Variants in RBFOX1 observed in about 807,000 individuals in gnomAD.
RBFOX1 encodes RNA binding protein fox-1 homolog 1.
Under a neutral mutation model 57.7 loss-of-function variants are expected in RBFOX1, and 8 were observed. That is an observed-to-expected ratio of 0.14 (90% CI 0.08 to 0.25). RBFOX1 has a LOEUF of 0.25. Ranked by LOEUF, RBFOX1 falls within the 10% of genes least tolerant of loss-of-function variation. The pLI is 1.00. For missense variants in RBFOX1, 611 were observed against 548.5 expected (o/e 1.11, Z -1.14); for synonymous variants, 326 against 222.4 (o/e 1.47, Z -4.15).
intron 2 of RBFOX1, among the ~76,000 whole-genome samples, chr16:6,412,024 CA>C (rs1401160759): frequency 2.0e-5 from 3 of 151,702 alleles, no homozygotes; most frequent in Non-Finnish European, 4.4e-5. Context: ...CCCAGCCACT[CA>C]GGAGGCTGAG....
chr16:7,263,525 C>G (rs2095005597), intron 4 of RBFOX1, among the ~76,000 whole-genome samples: 1 of 152,078 alleles, frequency 6.6e-6, no homozygotes, highest in African/African-American at 2.4e-5. Context: ...ATTGTAGTTC[C>G]TTAGGTGCTT....
intron 2 of RBFOX1, among the ~76,000 whole-genome samples, chr16:6,420,880 T>C (rs960645133): frequency 2.6e-5 from 4 of 152,080 alleles, no homozygotes; most frequent in Admixed American, 2.0e-4. Context: ...AAGGAGTAAA[T>C]AGTGTTGTCA....
At chr16:7,366,509 A>G (rs2097451722) in intron 4 of RBFOX1, among the ~76,000 whole-genome samples, 1 of 152,194 alleles carries the variant, frequency 6.6e-6, no homozygotes, top group Admixed American at 6.5e-5. Flanking sequence ...CTGTTGAGGC[A>G]CAGCCTGAGA....
At chr16:6,761,366 A>G (rs190791779) in intron 3 of RBFOX1, among the ~76,000 whole-genome samples, 36 of 152,258 alleles carry the variant, frequency 2.4e-4, no homozygotes, top group Middle Eastern at 3.4e-3. Context: ...TATACCAGAC[A>G]TACATTTAGT....
chr16:5,909,311 C>G (rs568779124), intron 4 of RBFOX1, among the ~76,000 whole-genome samples: 136 of 152,196 alleles, frequency 8.9e-4, no homozygotes, highest in Non-Finnish European at 1.3e-3. Flanking sequence ...CCAGGATGGT[C>G]TCGATCTCTG....
intron 2 of RBFOX1, among the ~76,000 whole-genome samples, chr16:6,534,440 A>G (rs1003338872): frequency 4.6e-5 from 7 of 152,166 alleles, no homozygotes; most frequent in African/African-American, 1.7e-4. Context: ...ATGCCTCTTC[A>G]GTTTCTACCC....
intron 3 of RBFOX1, among the ~76,000 whole-genome samples, chr16:6,851,247 A>G (rs1202885465): frequency 3.3e-5 from 5 of 152,182 alleles, no homozygotes; most frequent in African/African-American, 1.2e-4. Context: ...GATATAGAGA[A>G]TCAATGCGTG....
At chr16:6,814,360 C>A (rs1439374182) in intron 3 of RBFOX1, among the ~76,000 whole-genome samples, 1 of 152,046 alleles carries the variant, frequency 6.6e-6, no homozygotes, top group Non-Finnish European at 1.5e-5. Context: ...CTAAGTGTTT[C>A]CATTTCTTTC....
chr16:6,280,168 T>C (rs1014399568), intron 1 of RBFOX1, among the ~76,000 whole-genome samples: 2 of 151,868 alleles, frequency 1.3e-5, no homozygotes, highest in Non-Finnish European at 2.9e-5. Context: ...GGACCAGAGG[T>C]AGAGGAAGCT....
chr16:5,869,192 C>T (rs893329747), intron 4 of RBFOX1, among the ~76,000 whole-genome samples: 2 of 151,978 alleles, frequency 1.3e-5, no homozygotes, highest in African/African-American at 4.8e-5. Context: ...TTAGTTCTGC[C>T]AGTCATGAAG....
chr16:5,815,613 A>G (rs766570569), intron 3 of RBFOX1, among the ~76,000 whole-genome samples: 7 of 152,234 alleles, frequency 4.6e-5, no homozygotes, highest in Non-Finnish European at 1.0e-4. Flanking sequence ...GAAGGAAGCC[A>G]CAGCAGTTTC....
At chr16:6,986,669 C>T (rs983248690) in intron 3 of RBFOX1, among the ~76,000 whole-genome samples, 1 of 152,048 alleles carries the variant, frequency 6.6e-6, no homozygotes, top group Non-Finnish European at 1.5e-5. Context: ...CCTTCCCTTC[C>T]TCTCCCTCCC....
intron 12 of RBFOX1, among the ~76,000 whole-genome samples, chr16:7,657,580 T>C (rs766854036): frequency 2.0e-5 from 3 of 152,260 alleles, no homozygotes; most frequent in Non-Finnish European, 2.9e-5. Context: ...GCTGGGATTA[T>C]AGGCGTGGGC....
At chr16:7,215,205 C>T (rs1469184117) in intron 4 of RBFOX1, among the ~76,000 whole-genome samples, 2 of 152,134 alleles carry the variant, frequency 1.3e-5, no homozygotes, top group East Asian at 1.9e-4. Context: ...GATGGTTCAG[C>T]TTCATCCGTG....
At chr16:6,578,283 C>G (rs1271241370) in intron 2 of RBFOX1, among the ~76,000 whole-genome samples, 1 of 152,028 alleles carries the variant, frequency 6.6e-6, no homozygotes, top group African/African-American at 2.4e-5. Context: ...GAATCTTGGC[C>G]TAAAATGGAT....
At chr16:6,667,209 A>G (rs1168049108) in intron 3 of RBFOX1, among the ~76,000 whole-genome samples, 1 of 152,126 alleles carries the variant, frequency 6.6e-6, no homozygotes, top group Non-Finnish European at 1.5e-5. Context: ...AACCTAAACG[A>G]CAGATGATGA....
At chr16:7,405,197 A>T (rs2148914583) in intron 4 of RBFOX1, among the ~76,000 whole-genome samples, 1 of 152,312 alleles carries the variant, frequency 6.6e-6, no homozygotes, top group South Asian at 2.1e-4. Flanking sequence ...TTGACGATAC[A>T]GCAGTGTTTG....
At chr16:7,423,254 A>G (rs1290317817) in intron 4 of RBFOX1, among the ~76,000 whole-genome samples, 1 of 152,146 alleles carries the variant, frequency 6.6e-6, no homozygotes, top group Non-Finnish European at 1.5e-5. Flanking sequence ...ACCCCATTTC[A>G]GCTGCTGTGT....
At chr16:7,672,468 G>A (rs1230789053) in intron 13 of RBFOX1, among the ~76,000 whole-genome samples, 1 of 152,164 alleles carries the variant, frequency 6.6e-6, no homozygotes, top group Non-Finnish European at 1.5e-5. Context: ...TGAGAAAGAG[G>A]TACTTTGACC....
Sources: gnomAD v4.1 joint callset for allele counts (sites outside exome capture counted in the v4.1 genomes callset) on GRCh38, gnomAD v4.1.1 for gene constraint, MANE v1.5 for transcripts, NCBI Gene and HGNC (gene_info 2026-07-23, HGNC 2026-07-21) for gene names.